TNKS: variants seen among roughly 807,000 people sequenced by gnomAD.
TNKS encodes the protein tankyrase.
In TNKS, 72 loss-of-function variants were observed where a neutral mutation model predicts 135.8. That is an observed-to-expected ratio of 0.53 (90% CI 0.44 to 0.64). The LOEUF (loss-of-function observed/expected upper bound fraction) is 0.64, where lower values mean the gene tolerates loss of function less well. TNKS is among the 30% of genes least tolerant of loss of function. The pLI is 0.00. For synonymous variants in TNKS, 849 were observed against 649.3 expected, an observed-to-expected ratio of 1.31 and a Z score of -4.68; for missense variants, 1,769 against 1,674.0, an observed-to-expected ratio of 1.06 and a Z score of -0.99.
Position 9,741,918 on chromosome 8 carries a change from C to T in TNKS, c.2644-6106C>T, listed in dbSNP as rs928462945. Reference sequence around the variant, plus strand: ...CATAACTCCCCTTCTCCTTTTCTAACTCCAAGTAAGAAAAAATAATGAACA... The same window carrying T: ...CATAACTCCCCTTCTCCTTTTCTAATTCCAAGTAAGAAAAAATAATGAACA... On this transcript the variant is annotated intron_variant, in intron 17 of 26. Transcript: ENST00000310430. 4 of 226,496 alleles carry T rather than the reference C, an allele frequency of 1.8e-5. No homozygotes were observed. The Admixed American group carries it at 2.0e-4, about 11-fold the overall frequency. The allele number at this position is 226,496 out of a possible 1,614,324, so 14.0% of individuals were successfully genotyped here. A position where few individuals can be genotyped will look rare whatever the true frequency, so the allele number is the denominator to read the frequency against.
chr8:9,769,203 C>T (rs1187710192), intron 25 of TNKS, among the ~76,000 whole-genome samples: 7 of 152,192 alleles, frequency 4.6e-5, no homozygotes, highest in Admixed American at 1.3e-4. Context: ...GAATGCATGG[C>T]TGTGTGCCAA....
At position 9,708,453 on chromosome 8, in the gene TNKS, C is replaced by CTA. The variant is rs1804159391; in HGVS notation, c.1539_1540insTA (p.Ile514Ter). On this transcript the variant is annotated frameshift_variant, in exon 9 of 27. Transcript: ENST00000310430. LOFTEE classifies it high-confidence loss of function. ...TTAAAAAAACACTCGCTCTGGAAATCATTAATTTCAAACAACCGCAGTCTC... is the reference window on the plus strand; with the variant it reads ...TTAAAAAAACACTCGCTCTGGAAATCTAATTAATTTCAAACAACCGCAGTCTC... 6.2e-7 allele frequency: 1 copy of CTA among 1,608,918 alleles called. No homozygotes were observed. The highest frequency in any genetic ancestry group is 8.5e-7 in the Non-Finnish European group (1 of 1,177,526).
intron 2 of TNKS, among the ~76,000 whole-genome samples, chr8:9,589,973 C>T (rs1386611611): frequency 2.0e-5 from 3 of 152,268 alleles, no homozygotes; most frequent in African/African-American, 4.8e-5. Flanking sequence ...TTCATTGTCC[C>T]GTTGAATGTT....
intron 3 of TNKS, chr8:9,670,906 G>A (rs771493266): frequency 1.3e-5 from 2 of 152,090 alleles, no homozygotes; most frequent in Non-Finnish European, 2.9e-5. Context: ...AAATATATAT[G>A]GAATGCCTAT....
At chr8:9,722,421 C>T (rs559338665) in intron 12 of TNKS, 1 of 152,150 alleles carries the variant, frequency 6.6e-6, no homozygotes, top group Non-Finnish European at 1.5e-5. Flanking sequence ...AGTGATCATT[C>T]TACTTCAGCC....
chr8:9,596,067 C>A (rs1363407065), intron 2 of TNKS, among the ~76,000 whole-genome samples: 1 of 152,160 alleles, frequency 6.6e-6, no homozygotes, highest in African/African-American at 2.4e-5. Context: ...GCCATAATCA[C>A]TTCATGGGAC....
At chr8:9,631,780 GAA>G (rs1232265361) in intron 3 of TNKS, among the ~76,000 whole-genome samples, 57 of 147,250 alleles carry the variant, frequency 3.9e-4, no homozygotes, top group African/African-American at 1.4e-3. Context: ...TTTTTTTCAA[GAA>G]AAAGTGTCAA....
chr8:9,586,382 C>G (rs918106144), intron 2 of TNKS, among the ~76,000 whole-genome samples: 1 of 152,118 alleles, frequency 6.6e-6, no homozygotes, highest in Admixed American at 6.5e-5. Context: ...CAGTTCAGAA[C>G]TTCAATTGAT....
At chr8:9,601,335 CAT>C (rs1475908367) in intron 2 of TNKS, among the ~76,000 whole-genome samples, 2 of 152,142 alleles carry the variant, frequency 1.3e-5, no homozygotes, top group Non-Finnish European at 2.9e-5. Flanking sequence ...TTGAATTTAA[CAT>C]GTATTATTGC....
chr8:9,678,887 C>T (rs896906183), intron 3 of TNKS, among the ~76,000 whole-genome samples: 4 of 152,038 alleles, frequency 2.6e-5, no homozygotes, highest in African/African-American at 9.7e-5. Context: ...TGTTGAGATA[C>T]TTTGTATAAT....
chr8:9,588,257 C>T (rs1199502032), intron 2 of TNKS, among the ~76,000 whole-genome samples: 1 of 152,018 alleles, frequency 6.6e-6, no homozygotes, highest in Non-Finnish European at 1.5e-5. Flanking sequence ...GTTTGAAAGA[C>T]ATGTAACTTG....
chr8:9,718,802 C>T lies in TNKS; in HGVS notation c.1750-1572C>T, dbSNP rs567572906. ...GAGGGGTAACATTAAATGTAGGAGTCTCTTTATTTGAGACAGTTTCTGTAA... is the reference window on the plus strand; with the variant it reads ...GAGGGGTAACATTAAATGTAGGAGTTTCTTTATTTGAGACAGTTTCTGTAA... On this transcript the variant is annotated intron_variant, in intron 11 of 26. Coordinates refer to ENST00000310430, the MANE Select transcript of TNKS (RefSeq NM_003747.3). 2.0e-5 allele frequency among the ~76,000 whole-genome samples: 3 copies of T among 152,248 alleles called. No homozygotes were observed. In the South Asian group the frequency reaches 6.2e-4, roughly 32 times the overall value.
At chr8:9,771,408 G>A (rs995072339) in intron 26 of TNKS, among the ~76,000 whole-genome samples, 7 of 102,332 alleles carry the variant, frequency 6.8e-5, no homozygotes, top group Admixed American at 6.5e-4. Flanking sequence ...GAAAGAAAGG[G>A]AGACAGATAC....
chr8:9,556,904 G>A (rs1326412442), intron 1 of TNKS: 28 of 536,066 alleles, frequency 5.2e-5, no homozygotes, highest in Non-Finnish European at 8.9e-5. Context: ...TTAGTTTTTG[G>A]TGTGCAGGAA....
At chr8:9,714,902 T>A (rs148157740) in intron 11 of TNKS, among the ~76,000 whole-genome samples, 4 of 152,318 alleles carry the variant, frequency 2.6e-5, no homozygotes, top group African/African-American at 7.2e-5. Flanking sequence ...TAAAAGAGTT[T>A]AAGATTAGAA....
chr8:9,583,729 C>T (rs1171525523), intron 2 of TNKS, among the ~76,000 whole-genome samples: 4 of 152,000 alleles, frequency 2.6e-5, no homozygotes, highest in Non-Finnish European at 4.4e-5. Context: ...CCTTGTGATC[C>T]GCCTGTCTCA....
chr8:9,716,940 T>G (rs979702887), intron 11 of TNKS, among the ~76,000 whole-genome samples: 7 of 151,186 alleles, frequency 4.6e-5, no homozygotes, highest in African/African-American at 7.3e-5. Context: ...TAAGAGTCGC[T>G]TGTTGAGTAC....
At chr8:9,656,821 T>A (rs1416429425) in intron 3 of TNKS, among the ~76,000 whole-genome samples, 2 of 142,350 alleles carry the variant, frequency 1.4e-5, no homozygotes, top group African/African-American at 5.4e-5. Flanking sequence ...TGGTGACGAC[T>A]CTTAACGAGC....
chr8:9,633,160 A>G (rs1037063270), intron 3 of TNKS, among the ~76,000 whole-genome samples: 4 of 152,106 alleles, frequency 2.6e-5, no homozygotes, highest in African/African-American at 9.7e-5. Context: ...AAGATTTTTT[A>G]CTCTTCCTTC....
Sources: allele counts gnomAD v4.1 joint callset (sites outside exome capture counted in the v4.1 genomes callset), GRCh38; gene constraint gnomAD v4.1.1; transcripts MANE v1.5; gene names NCBI Gene and HGNC (gene_info 2026-07-23, HGNC 2026-07-21).